MYO16: variants seen among roughly 807,000 people sequenced by gnomAD.
MYO16 encodes the protein myosin XVI, also known as unconventional myosin-XVI.
A neutral mutation model predicts 205.3 loss-of-function variants in MYO16; 94 were observed. The observed-to-expected ratio is 0.46, with a 90% CI of 0.39 to 0.54. The LOEUF is 0.54. Ranked by LOEUF, MYO16 falls within the 20% of genes least tolerant of loss-of-function variation. The pLI, the probability that MYO16 is intolerant of heterozygous loss-of-function variation, is 0.00. For synonymous variants in MYO16, 988 were observed against 954.0 expected, an observed-to-expected ratio of 1.04 and a Z score of -0.66; for missense variants, 2,315 against 2,387.5, an observed-to-expected ratio of 0.97 and a Z score of 0.63.
Position 109,127,496 on chromosome 13 carries a change from T to C in MYO16, c.3997T>C (p.Ser1333Pro), listed in dbSNP as rs1422421883. The change falls in exon 31 of 35, where the codon TCC becomes CCC. Residue 1333 changes from serine to proline, a missense_variant. By Grantham distance (74) the Ser-to-Pro change is moderately conservative. This residue lies in a region of MYO16 where 1,097 missense variants were observed against 1,092.0 expected (regional missense o/e 1.00). Coordinates refer to ENST00000457511, the MANE Select transcript of MYO16 (RefSeq NM_001198950.3). This position sits in a 1 kb window ranked among gnomAD's most constrained non-coding sequence, Gnocchi z 4.2. Reference sequence around the variant, plus strand: ...GGACCCCAACACCCGGCTGAGTGCTTCCTATGAGGCTGTGAGCGCCTGCCT... The same window carrying C: ...GGACCCCAACACCCGGCTGAGTGCTCCCTATGAGGCTGTGAGCGCCTGCCT... ...KRDPNTRLSA[S>P]YEAVSACLSA... 1 of 1,613,434 alleles carries C rather than the reference T, an allele frequency of 6.2e-7. No individual in the cohort carries two copies. The highest frequency in any genetic ancestry group is 1.7e-5 in the Admixed American group (1 of 60,016).
intron 3 of MYO16, among the ~76,000 whole-genome samples, chr13:108,715,004 G>A (rs1883885631): frequency 6.6e-6 from 1 of 152,180 alleles, no homozygotes; most frequent in African/African-American, 2.4e-5. Flanking sequence ...TCACAGCCGG[G>A]TCGTGTCACT....
chr13:108,898,125 T>C lies in MYO16; in HGVS notation c.1769T>C (p.Leu590Pro). ...CAGTTCTGTGAGAGGAAACAACAGC[T>C]AACCGGAGGTAAGTGCAGTATTTGA... ...ELQFCERKQQ[L>P]TGARIYTYLL... The change falls in exon 15 of 35, where the codon CTA becomes CCA. Residue 590 changes from leucine to proline, a missense_variant. By Grantham distance (98) the Leu-to-Pro change is moderately conservative. Transcript: ENST00000457511. 1 of 1,607,704 alleles carries C rather than the reference T, an allele frequency of 6.2e-7. No homozygotes were observed. The highest frequency in any genetic ancestry group is 8.5e-7 in the Non-Finnish European group (1 of 1,174,174).
intron 22 of MYO16, among the ~76,000 whole-genome samples, chr13:109,011,498 C>CTTTTTTTTTTTTTTTTT (rs34575828): frequency 1.1e-3 from 147 of 129,820 alleles, no homozygotes; most frequent in Non-Finnish European, 1.4e-3. Context: ...TTCTTCCTTT[C>CTTTTTTTTTTTTTTTTT]TTTTTTTTTT....
chr13:108,831,110 C>T (rs950429136), intron 9 of MYO16, among the ~76,000 whole-genome samples: 21 of 152,038 alleles, frequency 1.4e-4, no homozygotes, highest in Non-Finnish European at 2.5e-4. Context: ...CTGAGAGTTC[C>T]ACCCTCATGA....
chr13:109,094,505 C>T (rs935506731), intron 27 of MYO16, among the ~76,000 whole-genome samples: 1 of 152,178 alleles, frequency 6.6e-6, no homozygotes, highest in Admixed American at 6.5e-5. Flanking sequence ...GCCACTGTTC[C>T]CAGCCCTTAT....
chr13:109,089,406 G>A (rs1437546732), intron 27 of MYO16, among the ~76,000 whole-genome samples: 1 of 151,916 alleles, frequency 6.6e-6, no homozygotes, highest in African/African-American at 2.4e-5. Flanking sequence ...TAGAGACGGG[G>A]TTTCGCCATT....
chr13:109,169,261 G>A (rs1478301259), intron 33 of MYO16, among the ~76,000 whole-genome samples: 1 of 152,080 alleles, frequency 6.6e-6, no homozygotes, highest in African/African-American at 2.4e-5. Flanking sequence ...TACGATGAGT[G>A]TTAAAAGGGT....
chr13:108,555,555 A>G, the MYO16 span, among the ~76,000 whole-genome samples: 7 of 152,260 alleles, frequency 4.6e-5, no homozygotes, highest in Non-Finnish European at 7.3e-5. Context: ...GAGCTAATTA[A>G]CATAAGCATT....
At chr13:109,023,021 G>A (rs1416041291) in intron 23 of MYO16, among the ~76,000 whole-genome samples, 6 of 132,694 alleles carry the variant, frequency 4.5e-5, no homozygotes, top group African/African-American at 1.1e-4. Context: ...GTAAATGTAT[G>A]TATATATTTA....
chr13:108,505,681 C>T, the MYO16 span, among the ~76,000 whole-genome samples: 1 of 152,034 alleles, frequency 6.6e-6, no homozygotes, highest in African/African-American at 2.4e-5. Flanking sequence ...TTGATGTAGT[C>T]CTATTTGTCA....
intron 3 of MYO16, among the ~76,000 whole-genome samples, chr13:108,716,896 A>G (rs1883964322): frequency 1.3e-5 from 2 of 152,220 alleles, no homozygotes; most frequent in African/African-American, 2.4e-5. Context: ...ATTTCAACAA[A>G]TACATCTGAA....
At position 108,720,019 on chromosome 13, in the gene MYO16, T is replaced by A. The variant is rs971615050; in HGVS notation, c.363+7288T>A. Among the ~76,000 whole-genome samples, 69 of 152,180 alleles carry A rather than the reference T, an allele frequency of 4.5e-4. 1 individual carries two copies. The highest frequency in any genetic ancestry group is 1.6e-3 in the African/African-American group (67 of 41,444). ...TAAAATTTCTGGATGTGGTTCGGTGTTTAGAGTCTGGTTCAATTGGCTGGA... is the reference window on the plus strand; with the variant it reads ...TAAAATTTCTGGATGTGGTTCGGTGATTAGAGTCTGGTTCAATTGGCTGGA... On this transcript the variant is annotated intron_variant, in intron 3 of 34. Coordinates refer to ENST00000457511, the MANE Select transcript of MYO16 (RefSeq NM_001198950.3).
intron 32 of MYO16, among the ~76,000 whole-genome samples, chr13:109,155,548 T>C (rs1218555470): frequency 6.6e-6 from 1 of 152,216 alleles, no homozygotes; most frequent in East Asian, 1.9e-4. Flanking sequence ...TCAATGCTTA[T>C]AGAAATATGA....
intron 9 of MYO16, 25 bp from the exon 10 acceptor site, chr13:108,844,318 G>A: frequency 1.9e-6 from 3 of 1,594,420 alleles, no homozygotes; most frequent in East Asian, 2.2e-5. Flanking sequence ...GAGACTAATT[G>A]TAGTATTGAT....
At chr13:108,546,034 T>C in the MYO16 span, among the ~76,000 whole-genome samples, 2 of 152,216 alleles carry the variant, frequency 1.3e-5, no homozygotes, top group Non-Finnish European at 1.5e-5. Context: ...CCTTTGGCCA[T>C]GTGGTCCAGC....
chr13:109,048,293 A>G (rs1887116749), intron 24 of MYO16: 1 of 723,370 alleles, frequency 1.4e-6, no homozygotes, highest in Non-Finnish European at 2.5e-6. Context: ...TGTACAAAAA[A>G]AAGTTCCAGG....
chr13:108,681,808 G>C (rs761791326), intron 2 of MYO16, among the ~76,000 whole-genome samples: 1 of 152,110 alleles, frequency 6.6e-6, no homozygotes, highest in African/African-American at 2.4e-5. Flanking sequence ...AATGTAGTTA[G>C]GCATTTGACT....
At chr13:109,110,661 G>C (rs1160974057) in intron 28 of MYO16, among the ~76,000 whole-genome samples, 2 of 152,154 alleles carry the variant, frequency 1.3e-5, no homozygotes, top group African/African-American at 4.8e-5. Context: ...TTCAGAGCCA[G>C]GCTGAACATT....
At chr13:109,105,040 T>G (rs157005) in intron 28 of MYO16, among the ~76,000 whole-genome samples, 11,456 of 152,240 alleles carry the variant, frequency 0.075, 914 homozygotes, top group African/African-American at 0.2. Flanking sequence ...AGCTTACTGC[T>G]GCATCCCCAG....
Sources: gnomAD v4.1 joint callset for allele counts (sites outside exome capture counted in the v4.1 genomes callset) on GRCh38, gnomAD v4.1.1 for gene constraint, gnomAD v4.1.1 regional missense constraint, Gnocchi (gnomAD v3.1) non-coding constraint, MANE v1.5 for transcripts, NCBI Gene and HGNC (gene_info 2026-07-23, HGNC 2026-07-21) for gene names.